HIPK2: variants seen among roughly 807,000 people sequenced by gnomAD.
HIPK2 encodes homeodomain interacting protein kinase 2, also known as homeodomain-interacting protein kinase 2.
A neutral mutation model predicts 113.7 loss-of-function variants in HIPK2; 27 were observed. The observed-to-expected ratio is 0.24, with a 90% CI of 0.17 to 0.33. HIPK2 has a LOEUF of 0.33. Among genes scored for constraint, HIPK2 ranks in the 10% least tolerant of loss-of-function variants. The probability of loss-of-function intolerance (pLI) is 1.00; values close to 1 mark genes in which losing one functional copy is unlikely to be tolerated. For synonymous variants in HIPK2, 631 were observed against 642.2 expected (o/e 0.98, Z 0.26); for missense variants, 1,257 against 1,588.0 (o/e 0.79, Z 3.54).
At position 139,575,084 on chromosome 7, in the gene HIPK2, G is replaced by A. The variant is rs539950360; in HGVS notation, c.3126+44C>T. The A allele has an allele frequency of 1.7e-4, 260 of 1,547,668 alleles. 1 individual carries two copies. In the African/African-American group the frequency reaches 3.3e-3, roughly 20 times the overall value. On this transcript the variant is annotated intron_variant, in intron 14 of 14. Coordinates refer to ENST00000406875, the MANE Select transcript of HIPK2 (RefSeq NM_022740.5). The stretch of plus-strand genomic sequence containing the variant: ...CCTCTCTGAAGCGGAAGGATGAGGG[G>A]ATGGGGGCCCTGCCTGGCCTGGGGC...
At chr7:139,717,103 C>G (rs1795270694) in intron 1 of HIPK2, 88 bp from the exon 2 acceptor site, 1 of 1,456,970 alleles carries the variant, frequency 6.9e-7, no homozygotes, top group African/African-American at 1.4e-5. Flanking sequence ...TCATCTGTGG[C>G]TTGGGCCATA....
At position 139,722,879 on chromosome 7, in the gene HIPK2, T is replaced by G. The variant is rs534012422; in HGVS notation, c.20-5864A>C. Among the ~76,000 whole-genome samples the G allele has an allele frequency of 4.3e-3, 651 of 152,020 alleles. 1 individual carries two copies. The highest frequency in any genetic ancestry group is 5.8e-3 in the Non-Finnish European group (393 of 67,946). On this transcript the variant is annotated intron_variant, in intron 1 of 14. Transcript: ENST00000406875. ...CTAGATCTAAATTCTTTTTTTTTTTTGGGACAGGATCTCACTCTCTGTTGC... is the reference window on the plus strand; with the variant it reads ...CTAGATCTAAATTCTTTTTTTTTTTGGGGACAGGATCTCACTCTCTGTTGC...
At chr7:139,665,021 C>T (rs936160408) in intron 2 of HIPK2, among the ~76,000 whole-genome samples, 2 of 147,486 alleles carry the variant, frequency 1.4e-5, no homozygotes, top group Admixed American at 6.9e-5. Flanking sequence ...TCCTTGGTTA[C>T]CCTTCTTCTT....
At chr7:139,591,330 C>T (rs946917855) in intron 12 of HIPK2, among the ~76,000 whole-genome samples, 6 of 152,196 alleles carry the variant, frequency 3.9e-5, no homozygotes, top group African/African-American at 9.7e-5. Context: ...TCAGATGCAG[C>T]GGAAGGAAGT....
rs1246894705 is a variant in HIPK2, at chr7:139,568,238, G to A, written c.*4689C>T. 6.6e-6 allele frequency: 1 copy of A among 152,306 alleles called. No individual in the cohort carries two copies. Among genetic ancestry groups the A allele is most frequent in the African/African-American group, 2.4e-5 (1 of 41,440 alleles). The allele number at this position is 152,306 out of a possible 1,614,324, so 9.4% of individuals were successfully genotyped here. On this transcript the variant is annotated 3_prime_UTR_variant, in exon 15 of 15. Coordinates refer to ENST00000406875, the MANE Select transcript of HIPK2 (RefSeq NM_022740.5). ...GGACAAAGGTCAGCTGGCTCCCCCAGCCCGTGAACACCTCAGCCACCAGGA... is the reference window on the plus strand; with the variant it reads ...GGACAAAGGTCAGCTGGCTCCCCCAACCCGTGAACACCTCAGCCACCAGGA...
chr7:139,754,247 G>A (rs952377571), intron 1 of HIPK2, among the ~76,000 whole-genome samples: 4 of 152,186 alleles, frequency 2.6e-5, no homozygotes, highest in South Asian at 2.1e-4. Context: ...CATAAATATC[G>A]TATCTAAGTC....
At chr7:139,624,900 C>G (rs188656131) in intron 6 of HIPK2, among the ~76,000 whole-genome samples, 75 of 152,300 alleles carry the variant, frequency 4.9e-4, no homozygotes, top group African/African-American at 1.7e-3. Flanking sequence ...AACCTCAGGG[C>G]TCAACAATTC....
At chr7:139,695,304 T>C (rs982247651) in intron 2 of HIPK2, among the ~76,000 whole-genome samples, 152,265 of 152,354 alleles carry the variant, frequency 1, 76,088 homozygotes, top group Middle Eastern at 1. Flanking sequence ...TCACAGTGGG[T>C]GGCTCAGAAC....
At chr7:139,620,755 G>T (rs1010065612) in intron 6 of HIPK2, among the ~76,000 whole-genome samples, 192 bp from the exon 7 acceptor site, 2 of 152,164 alleles carry the variant, frequency 1.3e-5, no homozygotes, top group Non-Finnish European at 2.9e-5. Context: ...AACAGGCACG[G>T]TTATTCAGAT....
chr7:139,577,132 T>A (rs1251842341), intron 13 of HIPK2, among the ~76,000 whole-genome samples: 1 of 147,856 alleles, frequency 6.8e-6, no homozygotes, highest in Non-Finnish European at 1.5e-5. Flanking sequence ...GAGAAGATAC[T>A]GGGCTTCCTT....
At chr7:139,634,073 T>G (rs1800718377) in intron 2 of HIPK2, among the ~76,000 whole-genome samples, 1 of 151,176 alleles carries the variant, frequency 6.6e-6, no homozygotes. Context: ...TTTGCACCAT[T>G]GCACTCCAGC....
chr7:139,765,479 G>A (rs1541480), intron 1 of HIPK2, among the ~76,000 whole-genome samples: 54,709 of 151,760 alleles, frequency 0.36, 13,805 homozygotes, highest in African/African-American at 0.71. Context: ...AAAGTGGAAC[G>A]TTTGTCTTTA....
chr7:139,612,916 A>G (rs565034775), intron 9 of HIPK2, among the ~76,000 whole-genome samples: 1 of 152,354 alleles, frequency 6.6e-6, no homozygotes, highest in East Asian at 1.9e-4. Context: ...AGTTACTAGC[A>G]GTTAGGATTA....
intron 1 of HIPK2, among the ~76,000 whole-genome samples, chr7:139,763,871 G>C (rs974444652): frequency 1.3e-5 from 2 of 152,184 alleles, no homozygotes; most frequent in Admixed American, 6.5e-5. Context: ...CTGCCTTCCT[G>C]TTTCAGCTCT....
rs924302787 is a variant in HIPK2, at chr7:139,564,277, C to G, written c.*8650G>C. 2.3e-4 allele frequency: 51 copies of G among 220,476 alleles called. No individual in the cohort carries two copies. Among genetic ancestry groups the G allele is most frequent in the Admixed American group, 2.3e-4 (4 of 17,296 alleles). The allele number at this position is 220,476 out of a possible 1,614,324, so 13.7% of individuals were successfully genotyped here. A position where few individuals can be genotyped will look rare whatever the true frequency, so the allele number is the denominator to read the frequency against. ...GGGAATAGGGGTATATGGTCCTCCC[C>G]TACAAAACGCTGATCAAAATATCAC... On this transcript the variant is annotated 3_prime_UTR_variant, in exon 15 of 15. Transcript: ENST00000406875.
chr7:139,566,987 T>G lies in HIPK2; in HGVS notation c.*5940A>C, dbSNP rs1462277232. The stretch of plus-strand genomic sequence containing the variant: ...GGAAGAACGGCCTGGAGTTCTTTTT[T>G]GAACTTTTCAGAAGCTGCAACAAGA... On this transcript the variant is annotated 3_prime_UTR_variant, in exon 15 of 15. Transcript: ENST00000406875. This position sits in a 1 kb window ranked among gnomAD's most constrained non-coding sequence, Gnocchi z 4.1. The G allele has an allele frequency of 6.6e-6, 1 of 152,188 alleles. No individual in the cohort carries two copies. Among genetic ancestry groups the G allele is most frequent in the Admixed American group, 6.5e-5 (1 of 15,284 alleles). The allele number at this position is 152,188 out of a possible 1,614,324, so 9.4% of individuals were successfully genotyped here. A position where few individuals can be genotyped will look rare whatever the true frequency, so the allele number is the denominator to read the frequency against.
intron 1 of HIPK2, among the ~76,000 whole-genome samples, chr7:139,741,904 A>G (rs1223981127): frequency 6.6e-6 from 1 of 152,252 alleles, no homozygotes; most frequent in Non-Finnish European, 1.5e-5. Flanking sequence ...TGATCTTTAC[A>G]TACACTCTCT....
intron 1 of HIPK2, among the ~76,000 whole-genome samples, chr7:139,731,668 A>C (rs924904555): frequency 2.0e-5 from 3 of 152,340 alleles, no homozygotes; most frequent in Middle Eastern, 3.4e-3. Context: ...ACTTTGTGAA[A>C]GATGTTTTGC....
intron 2 of HIPK2, among the ~76,000 whole-genome samples, chr7:139,707,530 A>C (rs1305174785): frequency 6.6e-6 from 1 of 152,236 alleles, no homozygotes; most frequent in Non-Finnish European, 1.5e-5. Flanking sequence ...TCAAGGTGAC[A>C]AACTCTGCCT....
Sources: allele counts gnomAD v4.1 joint callset (sites outside exome capture counted in the v4.1 genomes callset), GRCh38; gene constraint gnomAD v4.1.1; non-coding constraint Gnocchi (gnomAD v3.1); transcripts MANE v1.5; gene names NCBI Gene and HGNC (gene_info 2026-07-23, HGNC 2026-07-21).